Variants in OR6J1 observed in about 807,000 individuals in gnomAD.
OR6J1 encodes the protein olfactory receptor family 6 subfamily J member 1.
For missense variants in OR6J1, 304 were observed against 166.8 expected (o/e 1.82, Z -4.53); for synonymous variants, 109 against 70.0 (o/e 1.56, Z -2.78).
chr14:22,639,776 C>A (rs2037628566), intron 1 of OR6J1, among the ~76,000 whole-genome samples: 1 of 120,094 alleles, frequency 8.3e-6, no homozygotes, highest in African/African-American at 4.1e-5. Flanking sequence ...TAAACAGATG[C>A]TTGAAGGCAG....
intron 1 of OR6J1, among the ~76,000 whole-genome samples, chr14:22,643,791 AGAGAG>A (rs2037670844): frequency 6.0e-5 from 9 of 150,590 alleles, no homozygotes; most frequent in African/African-American, 2.2e-4. Context: ...AGAGAGAGAG[AGAGAG>A]AGACAGCAGT....
At chr14:22,639,245 C>G in intron 1 of OR6J1, among the ~76,000 whole-genome samples, 1 of 125,312 alleles carries the variant, frequency 8.0e-6, no homozygotes, top group African/African-American at 4.0e-5. Flanking sequence ...GGGGGGTCAG[C>G]CCCCCGCCAG....
In OR6J1 at chr14:22,634,458, G is replaced by A. The variant is rs1490955600; in HGVS notation, c.354C>T (p.Ser118=). Residue 118 remains serine (S), a synonymous_variant, in exon 2 of 2, where the codon TCC becomes TCT. Coordinates refer to ENST00000540461, the MANE Select transcript of OR6J1 (RefSeq NM_001348233.2). ...TVEFLLLTVM[S]YDRYATICCP... The stretch of plus-strand genomic sequence containing the variant: ...AGCAGATGGTGGCATAACGGTCATA[G>A]GACATGACCGTCAGCAGGAGGAACT... 1.4e-6 allele frequency: 1 copy of A among 703,366 alleles called. No individual in the cohort carries two copies. The highest frequency in any genetic ancestry group is 1.7e-5 in the African/African-American group (1 of 57,366). The allele number at this position is 703,366 out of a possible 1,614,324, so 43.6% of individuals were successfully genotyped here.
intron 1 of OR6J1, among the ~76,000 whole-genome samples, chr14:22,640,702 G>A (rs555369013): frequency 1.5e-4 from 22 of 151,084 alleles, no homozygotes; most frequent in East Asian, 3.9e-4. Flanking sequence ...ATTACTTTTC[G>A]TAGCTATGGG....
At chr14:22,643,591 A>G (rs1221397057) in intron 1 of OR6J1, among the ~76,000 whole-genome samples, 1 of 151,952 alleles carries the variant, frequency 6.6e-6, no homozygotes, top group Non-Finnish European at 1.5e-5. Context: ...GCCACTTACT[A>G]TAATATTTGT....
intron 1 of OR6J1, among the ~76,000 whole-genome samples, chr14:22,643,758 CACACACAGAGAGAGAGAGAG>C (rs1453255063): frequency 6.6e-5 from 4 of 60,722 alleles, no homozygotes; most frequent in African/African-American, 2.4e-4. Context: ...CACACACACA[CACACACAGAGAGAGAGAGAG>C]AGAGAGAGAG....
In OR6J1 at chr14:22,635,661, A is replaced by G. The variant is rs1275764713; in HGVS notation, c.-27-823T>C. The stretch of plus-strand genomic sequence containing the variant: ...AAATGACCAATGGAACAAAATACAG[A>G]GCCAAGACACAGACCCACACAGATG... On this transcript the variant is annotated intron_variant, in intron 1 of 1. Coordinates refer to ENST00000540461, the MANE Select transcript of OR6J1 (RefSeq NM_001348233.2). Among the ~76,000 whole-genome samples the G allele has an allele frequency of 5.9e-5, 9 of 152,356 alleles. No individual in the cohort carries two copies. The East Asian group carries it at 1.7e-3, about 29-fold the overall frequency.
intron 1 of OR6J1, among the ~76,000 whole-genome samples, chr14:22,640,935 G>A (rs1223135656): frequency 2.0e-5 from 3 of 151,424 alleles, no homozygotes; most frequent in Admixed American, 6.6e-5. Context: ...ATGGAAGGCC[G>A]AGGTGGGAGG....
chr14:22,639,483 G>T (rs2037625951), intron 1 of OR6J1, among the ~76,000 whole-genome samples: 2 of 133,314 alleles, frequency 1.5e-5, no homozygotes, highest in African/African-American at 6.7e-5. Flanking sequence ...TCTGGGAGGT[G>T]TGCCCAACAG....
intron 1 of OR6J1, among the ~76,000 whole-genome samples, chr14:22,641,025 C>T (rs2037640956): frequency 6.6e-6 from 1 of 150,788 alleles, no homozygotes; most frequent in African/African-American, 2.4e-5. Flanking sequence ...AAAAATTAGC[C>T]AGGCATGGTG....
At position 22,633,467 on chromosome 14, in the gene OR6J1, G is replaced by A. The variant is rs185793210; in HGVS notation, c.*301C>T. On this transcript the variant is annotated 3_prime_UTR_variant, in exon 2 of 2. Transcript: ENST00000540461. ...TCAAGCCGATAGAACAGTTGTGTTC[G>A]GGATCCATAAAGAAATGGGGCCAAA... 36 of 313,422 alleles carry A rather than the reference G, an allele frequency of 1.1e-4. No individual in the cohort carries two copies. The highest frequency in any genetic ancestry group is 1.9e-3 in the Middle Eastern group (2 of 1,074). The allele number at this position is 313,422 out of a possible 1,614,324, so 19.4% of individuals were successfully genotyped here. A position where few individuals can be genotyped will look rare whatever the true frequency, so the allele number is the denominator to read the frequency against.
chr14:22,636,225 G>GATA (rs1566394965), intron 1 of OR6J1, among the ~76,000 whole-genome samples: 5 of 65,596 alleles, frequency 7.6e-5, no homozygotes, highest in African/African-American at 5.0e-4. Flanking sequence ...AGACACTAGC[G>GATA]CCCTCTCCCT....
rs1217037680 is a variant in OR6J1, at chr14:22,634,808, C to G, written c.4G>C (p.Gly2Arg). ...TCAGTCACCGCTGCAGTCCAGTTAC[C>G]CATGGGCCTGGTGGGCCTGGCTCAA... is the stretch of plus-strand genomic sequence containing the variant. The part of the protein sequence containing the change: M[G>R]NWTAAVTEFV... Residue 2 changes from glycine (G) to arginine (R), a missense_variant, in exon 2 of 2, where the codon GGT becomes CGT. Coordinates refer to ENST00000540461, the MANE Select transcript of OR6J1 (RefSeq NM_001348233.2). 4 of 683,498 alleles carry G rather than the reference C, an allele frequency of 5.9e-6. No homozygotes were observed. In the Admixed American group the frequency reaches 8.3e-5, roughly 14 times the overall value. The allele number at this position is 683,498 out of a possible 1,614,324, so 42.3% of individuals were successfully genotyped here. A position where few individuals can be genotyped will look rare whatever the true frequency, so the allele number is the denominator to read the frequency against.
At chr14:22,641,366 G>C (rs1317736744) in intron 1 of OR6J1, among the ~76,000 whole-genome samples, 1 of 109,722 alleles carries the variant, frequency 9.1e-6, no homozygotes, top group Admixed American at 9.2e-5. Context: ...AGAAAGAAAG[G>C]GGGGAGAGAA....
At chr14:22,636,658 C>T (rs1346612657) in intron 1 of OR6J1, among the ~76,000 whole-genome samples, 7 of 117,026 alleles carry the variant, frequency 6.0e-5, no homozygotes, top group Admixed American at 7.8e-5. Flanking sequence ...ACGAGTGATC[C>T]GCCAGCCTCA....
intron 1 of OR6J1, among the ~76,000 whole-genome samples, chr14:22,636,892 G>A (rs1256737329): frequency 1.7e-5 from 2 of 118,768 alleles, no homozygotes; most frequent in East Asian, 2.2e-4. Flanking sequence ...GGGATATGAG[G>A]AGCCTCTCTG....
Position 22,644,218 on chromosome 14 carries a change from G to A in OR6J1, c.-148C>T, listed in dbSNP as rs757444686. The A allele has an allele frequency of 1.3e-5, 2 of 152,258 alleles. No individual in the cohort carries two copies. The highest frequency in any genetic ancestry group is 2.4e-5 in the African/African-American group (1 of 41,446). 9.4% of individuals were successfully genotyped at this position (152,258 alleles called of 1,614,324 possible). A position where few individuals can be genotyped will look rare whatever the true frequency, so the allele number is the denominator to read the frequency against. ...AAAAGCCACAGTGCATTCCACATGA[G>A]AGCAGCAGTGTTTGACAGGTGAAAT... On this transcript the variant is annotated 5_prime_UTR_variant, in exon 1 of 2. Coordinates refer to ENST00000540461, the MANE Select transcript of OR6J1 (RefSeq NM_001348233.2).
At chr14:22,637,738 G>T (rs1166049321) in intron 1 of OR6J1, among the ~76,000 whole-genome samples, 2 of 76,470 alleles carry the variant, frequency 2.6e-5, no homozygotes, top group Non-Finnish European at 2.6e-5. Flanking sequence ...GAGGTGGGGG[G>T]ATCAGCCCCC....
chr14:22,633,943 GTA>G lies in OR6J1; in HGVS notation c.867_868del (p.Thr290SerfsTer4). On this transcript the variant is annotated frameshift_variant, in exon 2 of 2. Transcript: ENST00000540461. LOFTEE classifies it low-confidence loss of function (END_TRUNC). The stretch of plus-strand genomic sequence containing the variant: ...TCCCTGCACTGTGTCATTCCTCAGA[GTA>G]TATATAAAGGGGTTGAGGAATGGAG... 1 of 702,904 alleles carries G rather than the reference GTA, an allele frequency of 1.4e-6. No homozygotes were observed. The highest frequency in any genetic ancestry group is 2.6e-6 in the Non-Finnish European group (1 of 384,878). The allele number at this position is 702,904 out of a possible 1,614,324, so 43.5% of individuals were successfully genotyped here.
Sources: allele counts gnomAD v4.1 joint callset (sites outside exome capture counted in the v4.1 genomes callset), GRCh38; gene constraint gnomAD v4.1.1; transcripts MANE v1.5; gene names NCBI Gene and HGNC (gene_info 2026-07-23, HGNC 2026-07-21).